The following NTM variants were observed in gnomAD, a reference collection of about 807,000 sequenced individuals.
NTM encodes the protein neurotrimin.
A neutral mutation model predicts 42.1 loss-of-function variants in NTM; 13 were observed. The observed-to-expected ratio is 0.31, with a 90% CI of 0.20 to 0.49. The LOEUF is 0.49. NTM is among the 20% of genes least tolerant of loss of function. The pLI, the probability that NTM is intolerant of heterozygous loss-of-function variation, is 0.99. For missense variants in NTM, 373 were observed against 452.8 expected, an observed-to-expected ratio of 0.82 and a Z score of 1.60; for synonymous variants, 187 against 179.2, an observed-to-expected ratio of 1.04 and a Z score of -0.35.
chr11:131,610,712 G>T (rs972744725), intron 1 of NTM, among the ~76,000 whole-genome samples: 45 of 152,326 alleles, frequency 3.0e-4, no homozygotes, highest in African/African-American at 1.0e-3. Flanking sequence ...GGGCAGGCAG[G>T]GGGTAAGACC....
intron 4 of NTM, among the ~76,000 whole-genome samples, chr11:132,249,713 G>A (rs1190043708): frequency 1.3e-5 from 2 of 152,204 alleles, no homozygotes; most frequent in East Asian, 3.9e-4. Flanking sequence ...TCTCCTGAAT[G>A]TGATCTCTCA....
intron 4 of NTM, among the ~76,000 whole-genome samples, chr11:132,295,108 CCTCTCT>C (rs147791924): frequency 1.8e-4 from 27 of 149,136 alleles, no homozygotes; most frequent in Non-Finnish European, 2.4e-4. Flanking sequence ...TGAATCCAGC[CCTCTCT>C]CTCTCTCTCT....
chr11:132,325,904 A>G (rs1769339074), intron 7 of NTM, among the ~76,000 whole-genome samples: 1 of 152,108 alleles, frequency 6.6e-6, no homozygotes, highest in Non-Finnish European at 1.5e-5. Context: ...ATTCTCAGCA[A>G]ACTATCGCAA....
chr11:132,215,586 T>C (rs1020858820), intron 4 of NTM, among the ~76,000 whole-genome samples: 1 of 152,146 alleles, frequency 6.6e-6, no homozygotes, highest in Non-Finnish European at 1.5e-5. Context: ...TTATATCAGA[T>C]AGAGAAAATG....
intron 1 of NTM, among the ~76,000 whole-genome samples, chr11:131,596,392 C>A (rs903503545): frequency 1.3e-5 from 2 of 152,216 alleles, no homozygotes; most frequent in African/African-American, 4.8e-5. Context: ...TCTGGCATCA[C>A]GGCATCGTAG....
rs1323348228 is a variant in NTM at position 132,314,337 on chromosome 11, C to T, written c.783-215C>T. On this transcript the variant is annotated intron_variant, in intron 6 of 8. Coordinates refer to ENST00000683400, the MANE Select transcript of NTM (RefSeq NM_001352005.2). ...GAGATCAGATGTTCTGGTAGGAGTGCCCCTGGGCACATGTGTGAAAATCAA... is the reference window on the plus strand; with the variant it reads ...GAGATCAGATGTTCTGGTAGGAGTGTCCCTGGGCACATGTGTGAAAATCAA... Among the ~76,000 whole-genome samples the T allele has an allele frequency of 2.8e-4, 43 of 152,286 alleles. 1 individual carries two copies. Among genetic ancestry groups the T allele is most frequent in the Admixed American group, 2.8e-3 (43 of 15,300 alleles).
chr11:131,886,949 G>A (rs1051722980), intron 1 of NTM, among the ~76,000 whole-genome samples: 10 of 152,160 alleles, frequency 6.6e-5, no homozygotes, highest in African/African-American at 1.2e-4. Context: ...TAGTAGCTCC[G>A]CAAGCGAGCA....
chr11:131,696,785 GCACACACA>G (rs34907087), intron 1 of NTM, among the ~76,000 whole-genome samples: 1 of 147,754 alleles, frequency 6.8e-6, no homozygotes, highest in African/African-American at 2.5e-5. Flanking sequence ...ACCCACGCAT[GCACACACA>G]CACACACACA....
intron 2 of NTM, among the ~76,000 whole-genome samples, chr11:132,070,617 A>G (rs1793633): frequency 0.91 from 95,885 of 105,262 alleles, 45,335 homozygotes; most frequent in African/African-American, 0.96. Flanking sequence ...TAGTTAACAC[A>G]TCACACAGCC....
intron 7 of NTM, among the ~76,000 whole-genome samples, chr11:132,321,496 C>A (rs1413008226): frequency 2.0e-5 from 3 of 152,092 alleles, no homozygotes; most frequent in Non-Finnish European, 2.9e-5. Context: ...TAAAAAGAAA[C>A]CAGCAAAGCC....
chr11:131,514,526 T>A (rs571262532), intron 1 of NTM, among the ~76,000 whole-genome samples: 2 of 152,204 alleles, frequency 1.3e-5, no homozygotes, highest in Non-Finnish European at 2.9e-5. Flanking sequence ...TTTTCCTTAC[T>A]GTATTATGTG....
chr11:131,557,828 G>T (rs766284304), intron 1 of NTM, among the ~76,000 whole-genome samples: 73 of 152,256 alleles, frequency 4.8e-4, no homozygotes, highest in Non-Finnish European at 9.4e-4. Flanking sequence ...GGCAATGTCA[G>T]CTTACAATTG....
intron 4 of NTM, among the ~76,000 whole-genome samples, chr11:132,237,623 G>C (rs2089281734): frequency 6.6e-6 from 1 of 151,876 alleles, no homozygotes; most frequent in South Asian, 2.1e-4. Context: ...CTACACTGTG[G>C]AGACGGAGGT....
intron 3 of NTM, among the ~76,000 whole-genome samples, chr11:132,198,908 T>C (rs528288067): frequency 1.3e-5 from 2 of 152,304 alleles, no homozygotes; most frequent in South Asian, 4.1e-4. Flanking sequence ...CCAGCCAATA[T>C]CTAATAAGGC....
chr11:131,458,369 G>C (rs1951089793), intron 1 of NTM, among the ~76,000 whole-genome samples: 1 of 152,192 alleles, frequency 6.6e-6, no homozygotes, highest in South Asian at 2.1e-4. Context: ...TGCACATTTG[G>C]AGGGGAAAGC....
intron 1 of NTM, among the ~76,000 whole-genome samples, chr11:131,655,616 G>A: frequency 6.6e-6 from 1 of 152,204 alleles, no homozygotes. Flanking sequence ...TGGGACCACA[G>A]CCCCTGCCGG....
rs138168378 is a variant in NTM at position 132,250,526 on chromosome 11, C to T, written c.526+38379C>T. 2.1e-4 allele frequency among the ~76,000 whole-genome samples: 32 copies of T among 151,948 alleles called. 1 individual carries two copies. Among genetic ancestry groups the T allele is most frequent in the Admixed American group, 1.8e-3 (27 of 15,256 alleles). On this transcript the variant is annotated intron_variant, in intron 4 of 8. Transcript: ENST00000683400. ...GACTCCTCACTAAATGTAGACAAGA[C>T]CCCTCCCTCTGTCAATGCCCTTATG...
chr11:132,129,190 G>T (rs1322534600), intron 2 of NTM, among the ~76,000 whole-genome samples: 1 of 152,114 alleles, frequency 6.6e-6, no homozygotes, highest in Non-Finnish European at 1.5e-5. Context: ...TTTGGAGGTG[G>T]CTGTATAGGG....
chr11:132,309,925 G>A (rs1323367561), intron 5 of NTM, 187 bp from the exon 6 acceptor site: 19 of 298,512 alleles, frequency 6.4e-5, no homozygotes, highest in Non-Finnish European at 6.9e-5. Context: ...GCATGGTGCC[G>A]TGCACCTGTA....
Sources: allele counts gnomAD v4.1 joint callset (sites outside exome capture counted in the v4.1 genomes callset), GRCh38; gene constraint gnomAD v4.1.1; transcripts MANE v1.5; gene names NCBI Gene and HGNC (gene_info 2026-07-23, HGNC 2026-07-21).